Variants in LYRM4 observed in about 807,000 individuals in gnomAD.
LYRM4 encodes LYR motif containing 4, also known as LYR motif-containing protein 4.
LYRM4 carries 9 observed loss-of-function variants against 11.7 expected under a neutral mutation model. That is an observed-to-expected ratio of 0.77 (90% confidence interval 0.46 to 1.34). LYRM4 has a LOEUF of 1.34. Ranked by LOEUF, LYRM4 falls within the 40% of genes most tolerant of loss-of-function variation. The pLI is 0.00. For missense variants in LYRM4, 133 were observed against 112.5 expected (o/e 1.18, Z -0.82); for synonymous variants, 42 against 40.4 (o/e 1.04, Z -0.15).
chr6:5,161,570 T>G (rs1758759087), intron 2 of LYRM4, among the ~76,000 whole-genome samples: 1 of 152,242 alleles, frequency 6.6e-6, no homozygotes, highest in African/African-American at 2.4e-5. Context: ...AGATTTTAAC[T>G]GCTGAAGAAA....
chr6:5,185,255 A>G (rs954593986), intron 2 of LYRM4, among the ~76,000 whole-genome samples: 3 of 152,232 alleles, frequency 2.0e-5, no homozygotes, highest in African/African-American at 4.8e-5. Flanking sequence ...TTCATTGACT[A>G]AACAATGACC....
At chr6:5,203,773 G>C (rs78904024) in intron 2 of LYRM4, among the ~76,000 whole-genome samples, 2 of 152,300 alleles carry the variant, frequency 1.3e-5, no homozygotes, top group Admixed American at 6.5e-5. Flanking sequence ...AGGGCCCCTC[G>C]TGTTGCGTCT....
chr6:5,143,472 A>G (rs1179619366), intron 2 of LYRM4, among the ~76,000 whole-genome samples: 1 of 152,128 alleles, frequency 6.6e-6, no homozygotes, highest in Non-Finnish European at 1.5e-5. Flanking sequence ...CAGACACAAT[A>G]ACAGGACCTA....
the LYRM4 span, among the ~76,000 whole-genome samples, chr6:5,065,135 G>C: frequency 6.6e-6 from 1 of 152,008 alleles, no homozygotes; most frequent in Non-Finnish European, 1.5e-5. Flanking sequence ...GCCTTTCCAG[G>C]CTTCTTTCAC....
At chr6:5,134,898 G>A (rs957552634) in intron 2 of LYRM4, among the ~76,000 whole-genome samples, 5 of 151,804 alleles carry the variant, frequency 3.3e-5, no homozygotes, top group African/African-American at 9.7e-5. Flanking sequence ...CACTCCTAGG[G>A]CTGTGGAGGG....
chr6:5,037,606 C>A, the LYRM4 span, among the ~76,000 whole-genome samples: 1 of 80,642 alleles, frequency 1.2e-5, no homozygotes, highest in Non-Finnish European at 3.0e-5. Flanking sequence ...GCGCCCCTCA[C>A]CTCCCGGACG....
Position 5,216,682 on chromosome 6 carries a change from T to A in LYRM4, c.143A>T (p.Asp48Val), listed in dbSNP as rs762424027. ...DAFRENKNVK[D>V]PVEIQTLVNK... Reference sequence around the variant, plus strand: ...CACTAGGGTTTGAATTTCTACAGGATCCTTTACATTTTTATTTTCTCTGAA... The same window carrying A: ...CACTAGGGTTTGAATTTCTACAGGAACCTTTACATTTTTATTTTCTCTGAA... The change falls in exon 2 of 3, where the codon GAT becomes GTT. Residue 48 changes from aspartate (D) to valine (V), a missense_variant. Transcript: ENST00000330636. 1.9e-6 allele frequency: 3 copies of A among 1,614,034 alleles called. No homozygotes were observed. The highest frequency in any genetic ancestry group is 2.5e-6 in the Non-Finnish European group (3 of 1,179,986).
chr6:5,138,868 T>C (rs547434955), intron 2 of LYRM4: 255 of 631,666 alleles, frequency 4.0e-4, no homozygotes, highest in Non-Finnish European at 5.5e-4. Flanking sequence ...GAAATGAGAT[T>C]AATCCTTTAG....
At chr6:5,052,033 A>T in the LYRM4 span, among the ~76,000 whole-genome samples, 1 of 152,148 alleles carries the variant, frequency 6.6e-6, no homozygotes, top group African/African-American at 2.4e-5. Flanking sequence ...ATTAGGCCTC[A>T]CTTCCCAGCA....
downstream of LYRM4, among the ~76,000 whole-genome samples, chr6:5,102,404 A>G (rs1456711739): frequency 1.3e-5 from 2 of 152,182 alleles, no homozygotes; most frequent in Non-Finnish European, 2.9e-5. Flanking sequence ...TGCTCCTTTA[A>G]GACTAGAACC....
chr6:5,116,920 C>A (rs1031667661), intron 2 of LYRM4, among the ~76,000 whole-genome samples: 1 of 152,220 alleles, frequency 6.6e-6, no homozygotes, highest in Non-Finnish European at 1.5e-5. Context: ...CAATGCACAG[C>A]CATCCCCGCA....
At chr6:5,257,149 T>A (rs974029856) in intron 1 of LYRM4, among the ~76,000 whole-genome samples, 2 of 152,154 alleles carry the variant, frequency 1.3e-5, no homozygotes, top group African/African-American at 4.8e-5. Flanking sequence ...CATGTCAGGT[T>A]AGTGGCTGCC....
intron 2 of LYRM4, chr6:5,187,097 A>C: frequency 1.1e-6 from 1 of 894,086 alleles, no homozygotes; most frequent in Non-Finnish European, 1.3e-6. Flanking sequence ...GTGAATGAAT[A>C]ATATAGAAAA....
At chr6:5,038,621 C>T in the LYRM4 span, among the ~76,000 whole-genome samples, 13 of 64,392 alleles carry the variant, frequency 2.0e-4, 6 homozygotes, top group Non-Finnish European at 1.9e-4. Context: ...AACGAGACTC[C>T]GTCCGCAATC....
At chr6:5,134,210 A>C (rs1307406522) in intron 2 of LYRM4, among the ~76,000 whole-genome samples, 1 of 152,216 alleles carries the variant, frequency 6.6e-6, no homozygotes, top group Non-Finnish European at 1.5e-5. Flanking sequence ...TTCCCAGGTG[A>C]GTGTAATGTC....
chr6:5,059,827 G>T, the LYRM4 span, among the ~76,000 whole-genome samples: 5 of 150,986 alleles, frequency 3.3e-5, no homozygotes, highest in African/African-American at 4.9e-5. Flanking sequence ...AGAGACAGGG[G>T]TCTTGCTCTG....
At chr6:5,187,344 T>C (rs1299955267) in intron 2 of LYRM4, among the ~76,000 whole-genome samples, 1 of 152,196 alleles carries the variant, frequency 6.6e-6, no homozygotes, top group African/African-American at 2.4e-5. Context: ...GACACACATA[T>C]CAGCTTGTTC....
intron 2 of LYRM4, among the ~76,000 whole-genome samples, chr6:5,213,087 G>A (rs1232799209): frequency 6.6e-6 from 1 of 152,130 alleles, no homozygotes; most frequent in East Asian, 1.9e-4. Context: ...AATACCATCG[G>A]AACAAAATGG....
the LYRM4 span, among the ~76,000 whole-genome samples, chr6:5,051,903 A>G: frequency 0.019 from 2,894 of 152,298 alleles, 38 homozygotes; most frequent in Middle Eastern, 0.051. Context: ...GGGAGATACC[A>G]GGCTCTTTTT....
Sources: gnomAD v4.1 joint callset for allele counts (sites outside exome capture counted in the v4.1 genomes callset) on GRCh38, gnomAD v4.1.1 for gene constraint, MANE v1.5 for transcripts, NCBI Gene and HGNC (gene_info 2026-07-23, HGNC 2026-07-21) for gene names.